OLFML2A: variants seen among roughly 807,000 people sequenced by gnomAD.
OLFML2A encodes olfactomedin like 2A.
Under a neutral mutation model 60.9 loss-of-function variants are expected in OLFML2A, and 47 were observed. The ratio of observed to expected loss-of-function variants is 0.77; its 90% CI spans 0.61 to 0.98. The LOEUF is 0.98. Among genes scored for constraint, OLFML2A ranks in the 50% least tolerant of loss-of-function variants. The pLI is 0.00. For synonymous variants in OLFML2A, 372 were observed against 375.0 expected (o/e 0.99, Z 0.09); for missense variants, 922 against 879.8 (o/e 1.05, Z -0.61).
intron 4 of OLFML2A, 136 bp downstream of exon 4, chr9:124,799,627 G>A (rs1212103628): frequency 5.6e-6 from 4 of 709,960 alleles, no homozygotes; most frequent in Admixed American, 2.6e-5. Context: ...CACAGCCAGA[G>A]AGTCCCTGGC....
chr9:124,811,199 T>C lies in OLFML2A; in HGVS notation c.*787T>C, dbSNP rs1014656687. ...CTTATTCTTCATCAGTGCCGTCATT[T>C]GTTTCTGCAGCAGCAGCTGAGAAGG... On this transcript the variant is annotated 3_prime_UTR_variant, in exon 8 of 8. Coordinates refer to ENST00000373580, the MANE Select transcript of OLFML2A (RefSeq NM_182487.4). 4 of 152,676 alleles carry C rather than the reference T, an allele frequency of 2.6e-5. No individual in the cohort carries two copies. Among genetic ancestry groups the C allele is most frequent in the Non-Finnish European group, 5.9e-5 (4 of 68,078 alleles). The allele number at this position is 152,676 out of a possible 1,614,324, so 9.5% of individuals were successfully genotyped here. A position where few individuals can be genotyped will look rare whatever the true frequency, so the allele number is the denominator to read the frequency against.
chr9:124,803,441 T>G (rs1841821434), intron 5 of OLFML2A, among the ~76,000 whole-genome samples: 1 of 152,006 alleles, frequency 6.6e-6, no homozygotes, highest in South Asian at 2.1e-4. Context: ...TTTTTCTATT[T>G]TTTAGTAGAG....
chr9:124,784,955 T>TG, intron 1 of OLFML2A, among the ~76,000 whole-genome samples: 1 of 112,052 alleles, frequency 8.9e-6, no homozygotes, highest in African/African-American at 3.8e-5. Flanking sequence ...TTTTTTTTTT[T>TG]TTTTTTTTTT....
chr9:124,809,216 G>A (rs150773349), intron 7 of OLFML2A, among the ~76,000 whole-genome samples: 9 of 152,104 alleles, frequency 5.9e-5, no homozygotes, highest in East Asian at 3.9e-4. Context: ...TCCTTCCTCC[G>A]CTAGCTCAAA....
chr9:124,791,539 C>A (rs924654677), intron 2 of OLFML2A, among the ~76,000 whole-genome samples: 1 of 152,040 alleles, frequency 6.6e-6, no homozygotes, highest in Non-Finnish European at 1.5e-5. Flanking sequence ...GAGTTCAAGA[C>A]CAGCCTGGCC....
chr9:124,809,942 G>A lies in OLFML2A; in HGVS notation c.1489G>A (p.Ala497Thr). The A allele has an allele frequency of 1.2e-6, 2 of 1,614,180 alleles. No individual in the cohort carries two copies. Among genetic ancestry groups the A allele is most frequent in the Non-Finnish European group, 1.7e-6 (2 of 1,180,032 alleles). Reference sequence around the variant, plus strand: ...GTACGACCTACGGCAGCGCTTCGTGGCCTCCTGGGCGCTGCTGCCCGACGT... The same window carrying A: ...GTACGACCTACGGCAGCGCTTCGTGACCTCCTGGGCGCTGCTGCCCGACGT... ...IKYDLRQRFV[A>T]SWALLPDVVY... The change falls in exon 8 of 8, where the codon GCC (alanine) becomes ACC (threonine). Residue 497 changes from alanine (A) to threonine (T), a missense_variant. Coordinates refer to ENST00000373580, the MANE Select transcript of OLFML2A (RefSeq NM_182487.4).
chr9:124,786,163 C>T (rs1841465958), intron 1 of OLFML2A, among the ~76,000 whole-genome samples: 1 of 152,178 alleles, frequency 6.6e-6, no homozygotes. Flanking sequence ...TGGCTCATGC[C>T]TGTAATCCTA....
At position 124,810,591 on chromosome 9, in the gene OLFML2A, C is replaced by T. The variant is rs1318739026; in HGVS notation, c.*179C>T. The T allele has an allele frequency of 1.6e-5, 10 of 625,248 alleles. No individual in the cohort carries two copies. The highest frequency in any genetic ancestry group is 1.9e-5 in the Non-Finnish European group (7 of 360,828). 38.7% of individuals were successfully genotyped at this position (625,248 alleles called of 1,614,324 possible). A position where few individuals can be genotyped will look rare whatever the true frequency, so the allele number is the denominator to read the frequency against. The stretch of plus-strand genomic sequence containing the variant: ...ACCCAGTGGGTAATACTTGCTTCCA[C>T]TTGCAGAGCACCGTGCCAAGCACTT... On this transcript the variant is annotated 3_prime_UTR_variant, in exon 8 of 8. Transcript: ENST00000373580.
chr9:124,807,733 G>A (rs754752605), intron 6 of OLFML2A, 48 bp from the exon 7 acceptor site: 18 of 1,483,648 alleles, frequency 1.2e-5, no homozygotes, highest in Middle Eastern at 2.2e-4. Context: ...CTCTGGCTGG[G>A]GGGCTTGGGG....
At chr9:124,789,864 T>C (rs777695173) in intron 2 of OLFML2A, among the ~76,000 whole-genome samples, 1 of 152,222 alleles carries the variant, frequency 6.6e-6, no homozygotes, top group African/African-American at 2.4e-5. Flanking sequence ...GATCACACTG[T>C]CTACATGGGT....
At chr9:124,799,888 A>G (rs906424809) in intron 4 of OLFML2A, among the ~76,000 whole-genome samples, 3 of 152,204 alleles carry the variant, frequency 2.0e-5, no homozygotes, top group Admixed American at 6.5e-5. Flanking sequence ...GAGCCTGCTC[A>G]GAGGGAGGTG....
rs558686628 is a variant in OLFML2A, at chr9:124,809,282, A to G, written c.1355-526A>G. 3.9e-5 allele frequency among the ~76,000 whole-genome samples: 6 copies of G among 152,302 alleles called. No individual in the cohort carries two copies. In the South Asian group the frequency reaches 1.2e-3, roughly 32 times the overall value. On this transcript the variant is annotated intron_variant, in intron 7 of 7. Transcript: ENST00000373580. ...AGGGTGGTGGAGGAAGCCAGTGATA[A>G]GTATCAAGATGAAGGCTTCTGTCTG...
intron 6 of OLFML2A, among the ~76,000 whole-genome samples, chr9:124,806,149 A>G (rs1382659256): frequency 6.6e-6 from 1 of 152,044 alleles, no homozygotes; most frequent in East Asian, 1.9e-4. Flanking sequence ...TTTTTATCTT[A>G]TAAGAGTTTA....
At chr9:124,795,435 C>T (rs1841650617) in intron 3 of OLFML2A, among the ~76,000 whole-genome samples, 1 of 152,198 alleles carries the variant, frequency 6.6e-6, no homozygotes, top group Admixed American at 6.5e-5. Flanking sequence ...AAGATCAGGA[C>T]CCACAATTCT....
Position 124,794,999 on chromosome 9 carries a change from C to G in OLFML2A, c.355-25C>G, listed in dbSNP as rs1841639787. ...GCCGGCCATGTGCTGCACTCTTTGC[C>G]TAACCATCCCCCTTCCCCGGGCAGC... On this transcript the variant is annotated intron_variant, in intron 2 of 7. Transcript: ENST00000373580. The G allele has an allele frequency of 2.8e-6, 4 of 1,452,556 alleles. No homozygotes were observed. The East Asian group carries it at 7.1e-5, about 26-fold the overall frequency. 90.0% of individuals were successfully genotyped at this position (1,452,556 alleles called of 1,614,324 possible). A position where few individuals can be genotyped will look rare whatever the true frequency, so the allele number is the denominator to read the frequency against.
At position 124,794,631 on chromosome 9, in the gene OLFML2A, C is replaced by T. The variant is rs1006414004; in HGVS notation, c.355-393C>T. ...TTTAATTTTAATTATTATTATTATT[C>T]TTTTTTTTGGAAGAGAGCCTCACTC... On this transcript the variant is annotated intron_variant, in intron 2 of 7. Coordinates refer to ENST00000373580, the MANE Select transcript of OLFML2A (RefSeq NM_182487.4). Among the ~76,000 whole-genome samples, 17 of 151,702 alleles carry T rather than the reference C, an allele frequency of 1.1e-4. No homozygotes were observed. The East Asian group carries it at 2.9e-3, about 26-fold the overall frequency.
chr9:124,799,392 C>T lies in OLFML2A; in HGVS notation c.570C>T (p.Gly190=). Residue 190 remains glycine, a synonymous_variant, in exon 4 of 8, where the codon GGC becomes GGT. Transcript: ENST00000373580. ...HYENHSAIML[G]IKKELSRLGL... ...AGAATCACTCTGCCATCATGCTGGGCATCAAGAAGGAGCTGTCCCGCCTGG... is the reference window on the plus strand; with the variant it reads ...AGAATCACTCTGCCATCATGCTGGGTATCAAGAAGGAGCTGTCCCGCCTGG... 1 of 1,613,904 alleles carries T rather than the reference C, an allele frequency of 6.2e-7. No homozygotes were observed. Among genetic ancestry groups the T allele is most frequent in the Non-Finnish European group, 8.5e-7 (1 of 1,179,970 alleles).
rs544158409 is a variant in OLFML2A at position 124,778,911 on chromosome 9, T to C, written c.90+1551T>C. On this transcript the variant is annotated intron_variant, in intron 1 of 7. Transcript: ENST00000373580. ...GCAAAAAAGTGACTTCCAATACCTC[T>C]CCAGCCTCTTTCCTGGTAGAATGTG... The C allele has an allele frequency of 7.1e-6, 7 of 982,384 alleles. No individual in the cohort carries two copies. In the African/African-American group the frequency reaches 1.2e-4, roughly 17 times the overall value. The allele number at this position is 982,384 out of a possible 1,614,324, so 60.9% of individuals were successfully genotyped here. A position where few individuals can be genotyped will look rare whatever the true frequency, so the allele number is the denominator to read the frequency against.
intron 7 of OLFML2A, among the ~76,000 whole-genome samples, chr9:124,809,103 G>T (rs535296727): frequency 3.7e-4 from 56 of 152,160 alleles, no homozygotes; most frequent in African/African-American, 8.9e-4. Flanking sequence ...GGAGGCAGAG[G>T]TTGCAGTGAG....
Sources: allele counts gnomAD v4.1 joint callset (sites outside exome capture counted in the v4.1 genomes callset), GRCh38; gene constraint gnomAD v4.1.1; transcripts MANE v1.5; gene names NCBI Gene and HGNC (gene_info 2026-07-23, HGNC 2026-07-21).